Variants in DPP6 observed in about 807,000 individuals in gnomAD.
DPP6 encodes dipeptidyl peptidase like 6.
In DPP6, 69 loss-of-function variants were observed where a neutral mutation model predicts 122.6. The observed-to-expected ratio is 0.56, with a 90% CI of 0.46 to 0.69. DPP6 has a LOEUF of 0.69. Among genes scored for constraint, DPP6 ranks in the 30% least tolerant of loss-of-function variants. The pLI is 0.00. For synonymous variants in DPP6, 418 were observed against 433.1 expected (o/e 0.97, Z 0.43); for missense variants, 928 against 1,116.9 (o/e 0.83, Z 2.41).
intron 6 of DPP6, among the ~76,000 whole-genome samples, chr7:154,644,431 G>C (rs1836311379): frequency 6.6e-6 from 1 of 152,212 alleles, no homozygotes; most frequent in Non-Finnish European, 1.5e-5. Flanking sequence ...GTGCCATCCT[G>C]AGAGGTCTCT....
At chr7:154,305,388 A>G in intron 1 of DPP6, 1 of 992,232 alleles carries the variant, frequency 1.0e-6, no homozygotes, top group Non-Finnish European at 1.2e-6. Flanking sequence ...TTTCGGAAGT[A>G]TGGACTAAAA....
intron 1 of DPP6, chr7:154,055,621 G>T (rs1800761927): frequency 1.3e-5 from 2 of 152,132 alleles, no homozygotes; most frequent in African/African-American, 4.8e-5. Flanking sequence ...TCTTGCAACT[G>T]CTGACAACCT....
rs528613788 is a variant in DPP6, at chr7:154,801,273, C to T, written c.1300-82C>T. 1.1e-4 allele frequency: 167 copies of T among 1,519,610 alleles called. No homozygotes were observed. The Admixed American group carries it at 1.4e-3, about 13-fold the overall frequency. 94.1% of individuals were successfully genotyped at this position (1,519,610 alleles called of 1,614,324 possible). A position where few individuals can be genotyped will look rare whatever the true frequency, so the allele number is the denominator to read the frequency against. On this transcript the variant is annotated intron_variant, in intron 12 of 25. Transcript: ENST00000377770. ...TAGAAATCACATAGAAAATGTATCTCGGGGTGTATTTTATCCTGGTTCAAC... is the reference window on the plus strand; with the variant it reads ...TAGAAATCACATAGAAAATGTATCTTGGGGTGTATTTTATCCTGGTTCAAC...
At chr7:153,931,234 G>A (rs1030991406) in intron 1 of DPP6, among the ~76,000 whole-genome samples, 3 of 152,010 alleles carry the variant, frequency 2.0e-5, no homozygotes, top group Non-Finnish European at 2.9e-5. Context: ...AGTCAGGCTA[G>A]AACTATAAGA....
intron 1 of DPP6, among the ~76,000 whole-genome samples, chr7:154,358,225 A>G (rs1304294347): frequency 6.6e-6 from 1 of 152,214 alleles, no homozygotes; most frequent in Non-Finnish European, 1.5e-5. Context: ...TCACCTGCTC[A>G]GCCGTGCAGC....
In DPP6 at chr7:154,380,698, T is replaced by A. The variant is rs190692325; in HGVS notation, c.244-65516T>A. The stretch of plus-strand genomic sequence containing the variant: ...TCTTCACACATTCCCCTGGTACCTT[T>A]TTGCTGGCAGGGAACACAGTCCAGT... On this transcript the variant is annotated intron_variant, in intron 1 of 25. Coordinates refer to ENST00000377770, the MANE Select transcript of DPP6 (RefSeq NM_130797.4). Among the ~76,000 whole-genome samples, 8 of 152,282 alleles carry A rather than the reference T, an allele frequency of 5.3e-5. No homozygotes were observed. In the East Asian group the frequency reaches 1.5e-3, roughly 29 times the overall value.
intron 1 of DPP6, among the ~76,000 whole-genome samples, chr7:154,160,932 T>G (rs1327515874): frequency 6.6e-6 from 1 of 152,120 alleles, no homozygotes; most frequent in Non-Finnish European, 1.5e-5. Context: ...TCCATTCTTT[T>G]GGGGGTGACT....
At chr7:153,848,145 G>A in the DPP6 span, among the ~76,000 whole-genome samples, 1 of 152,138 alleles carries the variant, frequency 6.6e-6, no homozygotes, top group Non-Finnish European at 1.5e-5. Context: ...AGCGGCTGAG[G>A]CCCTGACAAG....
chr7:154,249,461 G>A (rs1314821805), intron 1 of DPP6, among the ~76,000 whole-genome samples: 1 of 152,144 alleles, frequency 6.6e-6, no homozygotes, highest in African/African-American at 2.4e-5. Flanking sequence ...AATTACTCTT[G>A]CAAACATCCG....
At chr7:154,572,535 T>TTC (rs1831188514) in intron 5 of DPP6, among the ~76,000 whole-genome samples, 1 of 121,806 alleles carries the variant, frequency 8.2e-6, no homozygotes, top group Non-Finnish European at 1.7e-5. Flanking sequence ...TTTTTTTTTT[T>TTC]TGGTGGTGTC....
chr7:154,098,896 A>T (rs1386754045), intron 1 of DPP6, among the ~76,000 whole-genome samples: 2 of 152,216 alleles, frequency 1.3e-5, no homozygotes, highest in South Asian at 2.1e-4. Context: ...AAGTATCTAA[A>T]CTCATTCTTG....
intron 4 of DPP6, among the ~76,000 whole-genome samples, chr7:154,559,925 T>TAGATACATATATATAA (rs1830305990): frequency 6.9e-6 from 1 of 144,038 alleles, no homozygotes; most frequent in African/African-American, 2.5e-5. Context: ...ATAATATATA[T>TAGATACATATATATAA]AGATATATAT....
intron 20 of DPP6, among the ~76,000 whole-genome samples, chr7:154,876,556 C>A (rs1157947787): frequency 6.6e-6 from 1 of 152,156 alleles, no homozygotes; most frequent in Non-Finnish European, 1.5e-5. Context: ...CATGCACATC[C>A]AGGTGGGGCC....
chr7:154,305,228 G>T (rs1398914155), intron 1 of DPP6: 2 of 1,200,232 alleles, frequency 1.7e-6, no homozygotes, highest in East Asian at 7.5e-5. Flanking sequence ...TTTCTGTGGC[G>T]ATTGCAGAGG....
chr7:154,199,323 A>T (rs945780884), intron 1 of DPP6, among the ~76,000 whole-genome samples: 1 of 152,140 alleles, frequency 6.6e-6, no homozygotes, highest in African/African-American at 2.4e-5. Flanking sequence ...TGCTCCTAAA[A>T]TGCACGTTAA....
intron 1 of DPP6, among the ~76,000 whole-genome samples, chr7:153,910,092 T>A (rs1800015889): frequency 6.6e-6 from 1 of 152,168 alleles, no homozygotes; most frequent in South Asian, 2.1e-4. Flanking sequence ...GTGAATGTAA[T>A]ACACATGTAT....
At chr7:154,629,620 C>T (rs1835289668) in intron 5 of DPP6, among the ~76,000 whole-genome samples, 4 of 152,174 alleles carry the variant, frequency 2.6e-5, no homozygotes, top group Admixed American at 2.6e-4. Context: ...TTTTTCACTT[C>T]CTCTTTGAAT....
chr7:154,187,258 T>C (rs1350437751), intron 1 of DPP6, among the ~76,000 whole-genome samples: 1 of 152,244 alleles, frequency 6.6e-6, no homozygotes, highest in Non-Finnish European at 1.5e-5. Context: ...TATTTATTTA[T>C]ATATTTTTAT....
At chr7:153,978,503 G>T (rs549304274) in intron 1 of DPP6, among the ~76,000 whole-genome samples, 1 of 152,028 alleles carries the variant, frequency 6.6e-6, no homozygotes, top group African/African-American at 2.4e-5. Context: ...CACTCTGATG[G>T]TAGTTGTTTT....
Sources: allele counts gnomAD v4.1 joint callset (sites outside exome capture counted in the v4.1 genomes callset), GRCh38; gene constraint gnomAD v4.1.1; transcripts MANE v1.5; gene names NCBI Gene and HGNC (gene_info 2026-07-23, HGNC 2026-07-21).